Variants in FA2H observed in about 807,000 individuals in gnomAD.
The protein encoded by FA2H is fatty acid 2-hydroxylase.
Under a neutral mutation model 44.9 loss-of-function variants are expected in FA2H, and 22 were observed. The observed-to-expected ratio is 0.49, with a 90% CI of 0.35 to 0.70. FA2H has a LOEUF of 0.70. Among genes scored for constraint, FA2H ranks in the 30% least tolerant of loss-of-function variants. The pLI is 0.01. For missense variants in FA2H, 501 were observed against 504.9 expected (o/e 0.99, Z 0.07); for synonymous variants, 243 against 213.2 (o/e 1.14, Z -1.22).
Position 74,747,618 on chromosome 16 carries a change from C to T in FA2H, c.271-7503G>A, listed in dbSNP as rs182796581. Among the ~76,000 whole-genome samples, 244 of 152,092 alleles carry T rather than the reference C, an allele frequency of 1.6e-3. 2 individuals are homozygous for T. Among genetic ancestry groups the T allele is most frequent in the African/African-American group, 5.5e-3 (228 of 41,488 alleles). On this transcript the variant is annotated intron_variant, in intron 1 of 6. Coordinates refer to ENST00000219368, the MANE Select transcript of FA2H (RefSeq NM_024306.5). ...AAGGGGTGATTTGGACACAGACACA[C>T]ACGTGTGAAGATGGAAGGAGAGATG...
At chr16:74,757,193 G>A (rs532303102) in intron 1 of FA2H, among the ~76,000 whole-genome samples, 1 of 152,266 alleles carries the variant, frequency 6.6e-6, no homozygotes, top group Non-Finnish European at 1.5e-5. Context: ...GATGGATAAA[G>A]GACATGAAAA....
chr16:74,769,285 T>TGG (rs1962862409), intron 1 of FA2H, among the ~76,000 whole-genome samples: 2 of 151,908 alleles, frequency 1.3e-5, no homozygotes, highest in African/African-American at 4.8e-5. Context: ...CTTGTAGAGA[T>TGG]AGTTTTTCAC....
At chr16:74,737,535 C>T (rs1267175451) in intron 2 of FA2H, among the ~76,000 whole-genome samples, 1 of 152,188 alleles carries the variant, frequency 6.6e-6, no homozygotes, top group Non-Finnish European at 1.5e-5. Flanking sequence ...TCTGCCCTGG[C>T]TCCCCTGGCC....
chr16:74,716,298 A>G, intron 6 of FA2H, 49 bp downstream of exon 6: 1 of 1,599,600 alleles, frequency 6.3e-7, no homozygotes, highest in Non-Finnish European at 8.5e-7. Context: ...GTTGGCAAAT[A>G]AATCAATGAA....
intron 1 of FA2H, among the ~76,000 whole-genome samples, chr16:74,755,909 GACA>G (rs1597567100): frequency 6.6e-6 from 1 of 152,124 alleles, no homozygotes. Context: ...GGTATAGTCT[GACA>G]ACGATATGCC....
intron 1 of FA2H, among the ~76,000 whole-genome samples, chr16:74,764,585 G>A (rs1368346725): frequency 6.6e-6 from 1 of 152,206 alleles, no homozygotes; most frequent in African/African-American, 2.4e-5. Context: ...TGCAGGATAG[G>A]AGGAGGGAGA....
chr16:74,719,515 G>A (rs966395861), intron 4 of FA2H, among the ~76,000 whole-genome samples: 3 of 152,026 alleles, frequency 2.0e-5, no homozygotes, highest in African/African-American at 4.8e-5. Context: ...GAGCCAGGGC[G>A]TTGTTATTAT....
intron 1 of FA2H, among the ~76,000 whole-genome samples, chr16:74,756,224 C>T (rs1962609837): frequency 6.6e-6 from 1 of 152,190 alleles, no homozygotes; most frequent in Non-Finnish European, 1.5e-5. Context: ...AGGCTGTGAA[C>T]ACAAAGCAGG....
chr16:74,741,806 ATATGTGTGTGTGTG>A, intron 1 of FA2H, among the ~76,000 whole-genome samples: 2 of 60,760 alleles, frequency 3.3e-5, no homozygotes, highest in East Asian at 1.1e-3. Flanking sequence ...ATATATATAT[ATATGTGTGTGTGTG>A]TGTGTGTGTG....
At chr16:74,754,003 T>C (rs1407035439) in intron 1 of FA2H, among the ~76,000 whole-genome samples, 1 of 152,232 alleles carries the variant, frequency 6.6e-6, no homozygotes, top group Non-Finnish European at 1.5e-5. Flanking sequence ...TTGAACTCTC[T>C]GTCTTGGAGT....
chr16:74,769,311 G>C (rs2144667017), intron 1 of FA2H, among the ~76,000 whole-genome samples: 1 of 152,028 alleles, frequency 6.6e-6, no homozygotes, highest in East Asian at 1.9e-4. Flanking sequence ...TGCCCAGGCT[G>C]GTCTCAAACT....
chr16:74,724,809 A>T (rs2870144), intron 4 of FA2H, among the ~76,000 whole-genome samples: 132,297 of 152,122 alleles, frequency 0.87, 57,908 homozygotes, highest in African/African-American at 0.97. Context: ...TGCAGGAAAG[A>T]CCTCTCCTAT....
At position 74,720,180 on chromosome 16, in the gene FA2H, C is replaced by CTTTTTTTTTTT. The variant is rs56341013; in HGVS notation, c.614-1031_614-1021dup. On this transcript the variant is annotated intron_variant, in intron 4 of 6. Coordinates refer to ENST00000219368, the MANE Select transcript of FA2H (RefSeq NM_024306.5). ...TTTGCTCCATATATTCATCCTCATCCTTTTTTTTTTTTTTTTTTTTTTTTT... is the reference window on the plus strand; with the variant it reads ...TTTGCTCCATATATTCATCCTCATCCTTTTTTTTTTTTTTTTTTTTTTTTTTTTTTTTTTTT... 1.6e-3 allele frequency among the ~76,000 whole-genome samples: 76 copies of CTTTTTTTTTTT among 47,250 alleles called. 11 individuals carry two copies. The highest frequency in any genetic ancestry group is 2.3e-3 in the Non-Finnish European group (63 of 27,322). 31.0% of individuals were successfully genotyped at this position (47,250 alleles called of 152,430 possible). A position where few individuals can be genotyped will look rare whatever the true frequency, so the allele number is the denominator to read the frequency against.
chr16:74,744,024 AGACCCTTCT>A, intron 1 of FA2H, among the ~76,000 whole-genome samples: 1 of 152,202 alleles, frequency 6.6e-6, no homozygotes, highest in East Asian at 1.9e-4. Context: ...GCTAAGACAA[AGACCCTTCT>A]GAAGAAGGTC....
At chr16:74,729,191 G>A (rs760502621) in intron 2 of FA2H, among the ~76,000 whole-genome samples, 12 of 151,994 alleles carry the variant, frequency 7.9e-5, no homozygotes, top group Non-Finnish European at 1.6e-4. Context: ...TTGTATTTTA[G>A]TAGACAAGGG....
rs541706253 is a variant in FA2H at position 74,739,751 on chromosome 16, A to G, written c.363+272T>C. On this transcript the variant is annotated intron_variant, in intron 2 of 6. Transcript: ENST00000219368. ...CAGCTTCAGGGGTCCTGGCGGGAGAATTCTTCTTCTCCAGGGGTGTCTGGG... is the reference window on the plus strand; with the variant it reads ...CAGCTTCAGGGGTCCTGGCGGGAGAGTTCTTCTTCTCCAGGGGTGTCTGGG... 2.5e-3 allele frequency among the ~76,000 whole-genome samples: 388 copies of G among 152,252 alleles called. 2 individuals are homozygous for G. The highest frequency in any genetic ancestry group is 9.1e-3 in the African/African-American group (379 of 41,546).
chr16:74,758,143 C>T (rs7203621), intron 1 of FA2H, among the ~76,000 whole-genome samples: 25,886 of 124,662 alleles, frequency 0.21, 2,951 homozygotes, highest in Middle Eastern at 0.28. Flanking sequence ...TTTTTTGAGA[C>T]GGAGTCTCGG....
intron 1 of FA2H, among the ~76,000 whole-genome samples, chr16:74,742,475 G>A (rs1019211586): frequency 6.6e-6 from 1 of 152,216 alleles, no homozygotes; most frequent in Non-Finnish European, 1.5e-5. Flanking sequence ...CATAGGACAG[G>A]CACGAGCAGA....
Position 74,772,528 on chromosome 16 carries a change from C to T in FA2H, c.270+1958G>A, listed in dbSNP as rs139734807. Among the ~76,000 whole-genome samples, 198 of 152,316 alleles carry T rather than the reference C, an allele frequency of 1.3e-3. 3 individuals carry two copies. Among genetic ancestry groups the T allele is most frequent in the East Asian group, 0.012 (61 of 5,188 alleles). On this transcript the variant is annotated intron_variant, in intron 1 of 6. Transcript: ENST00000219368. The stretch of plus-strand genomic sequence containing the variant: ...ACAGTGCTGTCAACCCATTAAGGAA[C>T]CAGTTCCATGACTGAATAAATGATG...
Sources: allele counts gnomAD v4.1 joint callset (sites outside exome capture counted in the v4.1 genomes callset), GRCh38; gene constraint gnomAD v4.1.1; transcripts MANE v1.5; gene names NCBI Gene and HGNC (gene_info 2026-07-23, HGNC 2026-07-21).